The following CDH18 variants were observed in gnomAD, a reference collection of about 807,000 sequenced individuals.
CDH18 encodes the protein cadherin 18, also known as cadherin-18.
CDH18 carries 31 observed loss-of-function variants against 67.9 expected under a neutral mutation model. The ratio of observed to expected loss-of-function variants is 0.46; its 90% confidence interval spans 0.34 to 0.62. The LOEUF is 0.62. Among genes scored for constraint, CDH18 ranks in the 20% least tolerant of loss-of-function variants. The pLI, the probability that CDH18 is intolerant of heterozygous loss-of-function variation, is 0.01. For missense variants in CDH18, 890 were observed against 975.5 expected, an observed-to-expected ratio of 0.91 and a Z score of 1.17; for synonymous variants, 362 against 347.2, an observed-to-expected ratio of 1.04 and a Z score of -0.48.
At chr5:20,245,882 A>C (rs935514661) in intron 2 of CDH18, among the ~76,000 whole-genome samples, 1 of 152,122 alleles carries the variant, frequency 6.6e-6, no homozygotes, top group Non-Finnish European at 1.5e-5. Context: ...CTAATGTAGC[A>C]AGAGCTAATG....
chr5:19,715,128 T>C (rs1765186213), intron 5 of CDH18, among the ~76,000 whole-genome samples: 1 of 152,134 alleles, frequency 6.6e-6, no homozygotes. Flanking sequence ...CCAAAGATGC[T>C]TTATATAGTT....
intron 3 of CDH18, among the ~76,000 whole-genome samples, chr5:19,826,543 T>G (rs1433813162): frequency 3.3e-5 from 5 of 152,204 alleles, no homozygotes; most frequent in Admixed American, 6.5e-5. Context: ...GCAGAAATCC[T>G]ACAGGCCAGA....
At chr5:19,563,642 G>C (rs148828976) in intron 8 of CDH18, among the ~76,000 whole-genome samples, 2,391 of 152,268 alleles carry the variant, frequency 0.016, 27 homozygotes, top group Non-Finnish European at 0.026. Flanking sequence ...TTTCAAAAAG[G>C]TGATGATTGG....
At chr5:20,480,678 G>A (rs112138756) in intron 1 of CDH18, among the ~76,000 whole-genome samples, 22 of 152,148 alleles carry the variant, frequency 1.4e-4, no homozygotes, top group Non-Finnish European at 3.2e-4. Context: ...GCCTCCAAAA[G>A]TGCTGGAATT....
At chr5:19,695,142 A>AG (rs762322613) in intron 5 of CDH18, among the ~76,000 whole-genome samples, 20 of 152,066 alleles carry the variant, frequency 1.3e-4, no homozygotes, top group South Asian at 8.3e-4. Context: ...TATGTGTGAA[A>AG]GGGGGGATGG....
rs115236727 is a variant in CDH18 at position 20,527,795 on chromosome 5, A to G, written c.-580+47667T>C. Among the ~76,000 whole-genome samples, 383 of 152,252 alleles carry G rather than the reference A, an allele frequency of 2.5e-3. 2 individuals are homozygous for G. Among genetic ancestry groups the G allele is most frequent in the African/African-American group, 9.0e-3 (373 of 41,502 alleles). On this transcript the variant is annotated intron_variant, in intron 1 of 14. Coordinates refer to the CDH18 transcript ENST00000507958. ...TAGAAAGGAAAAACCATTGCCAGCC[A>G]TTACAAAAACACAGTGAAGTACACA...
At chr5:19,930,419 T>C (rs1278538795) in intron 2 of CDH18, among the ~76,000 whole-genome samples, 1 of 152,008 alleles carries the variant, frequency 6.6e-6, no homozygotes, top group African/African-American at 2.4e-5. Flanking sequence ...GACTTGGAGA[T>C]GGAAATAACC....
At chr5:19,888,671 G>A (rs904339259) in intron 2 of CDH18, among the ~76,000 whole-genome samples, 26 of 152,118 alleles carry the variant, frequency 1.7e-4, no homozygotes, top group Admixed American at 1.4e-3. Context: ...CTGTGCAATT[G>A]TTTATGTGCA....
intron 1 of CDH18, among the ~76,000 whole-genome samples, chr5:20,274,384 A>G (rs1478464932): frequency 6.6e-6 from 1 of 152,180 alleles, no homozygotes; most frequent in Non-Finnish European, 1.5e-5. Context: ...CCTTCCAGAA[A>G]AAAAACCTAC....
At chr5:20,096,294 A>G (rs2150569850) in intron 2 of CDH18, among the ~76,000 whole-genome samples, 1 of 152,282 alleles carries the variant, frequency 6.6e-6, no homozygotes, top group South Asian at 2.1e-4. Context: ...GCTGAAAGAA[A>G]CTAATTGCCA....
At chr5:20,333,465 C>T (rs1426934692) in intron 1 of CDH18, among the ~76,000 whole-genome samples, 1 of 149,280 alleles carries the variant, frequency 6.7e-6, no homozygotes, top group African/African-American at 2.5e-5. Flanking sequence ...TGAGGTCGAG[C>T]CACTGCACTC....
At chr5:19,693,162 A>C (rs1264342032) in intron 5 of CDH18, among the ~76,000 whole-genome samples, 1 of 152,084 alleles carries the variant, frequency 6.6e-6, no homozygotes, top group African/African-American at 2.4e-5. Context: ...CACATATTGC[A>C]CGTGCTCACT....
chr5:20,447,374 C>T (rs1479264180), intron 1 of CDH18, among the ~76,000 whole-genome samples: 1 of 151,168 alleles, frequency 6.6e-6, no homozygotes, highest in Non-Finnish European at 1.5e-5. Context: ...GATGAAAATC[C>T]TGATAAAAAA....
At chr5:20,104,731 A>G (rs1746778330) in intron 2 of CDH18, among the ~76,000 whole-genome samples, 1 of 151,808 alleles carries the variant, frequency 6.6e-6, no homozygotes, top group African/African-American at 2.4e-5. Context: ...CTGAATGGTG[A>G]ACTCCCTCAT....
intron 5 of CDH18, among the ~76,000 whole-genome samples, chr5:19,648,578 C>A (rs1349781080): frequency 6.6e-6 from 1 of 151,066 alleles, no homozygotes; most frequent in Non-Finnish European, 1.5e-5. Context: ...CTAATTAATT[C>A]TATCTCTTTT....
chr5:20,326,192 A>G (rs1345928157), intron 1 of CDH18, among the ~76,000 whole-genome samples: 1 of 152,164 alleles, frequency 6.6e-6, no homozygotes, highest in Non-Finnish European at 1.5e-5. Context: ...TACTGTACCT[A>G]TAAGTTATCA....
intron 2 of CDH18, among the ~76,000 whole-genome samples, chr5:20,106,959 C>T (rs10461738): frequency 0.048 from 7,334 of 152,110 alleles, 235 homozygotes; most frequent in East Asian, 0.14. Context: ...TTGTGTGCCT[C>T]GAAACGCTTT....
chr5:19,553,760 CCT>C (rs1276714606), intron 8 of CDH18, among the ~76,000 whole-genome samples: 1 of 151,572 alleles, frequency 6.6e-6, no homozygotes. Context: ...CCCAACTCAG[CCT>C]CTGAAGAAGC....
chr5:19,964,603 G>A (rs1250806724), intron 2 of CDH18, among the ~76,000 whole-genome samples: 1 of 148,482 alleles, frequency 6.7e-6, no homozygotes, highest in African/African-American at 2.5e-5. Context: ...GAGTGGGATT[G>A]TGCCACTGCA....
Sources: gnomAD v4.1 joint callset for allele counts (sites outside exome capture counted in the v4.1 genomes callset) on GRCh38, gnomAD v4.1.1 for gene constraint, MANE v1.5 for transcripts, NCBI Gene and HGNC (gene_info 2026-07-23, HGNC 2026-07-21) for gene names.